Variants in L3MBTL3 observed in about 807,000 individuals in gnomAD.
The protein encoded by L3MBTL3 is lethal(3)malignant brain tumor-like protein 3.
In L3MBTL3, 27 loss-of-function variants were observed where a neutral mutation model predicts 102.3. The observed-to-expected ratio is 0.26, with a 90% CI of 0.19 to 0.36. The LOEUF is 0.36. Among genes scored for constraint, L3MBTL3 ranks in the 10% least tolerant of loss-of-function variants. The pLI, the probability that L3MBTL3 is intolerant of heterozygous loss-of-function variation, is 1.00. For synonymous variants in L3MBTL3, 340 were observed against 320.9 expected (o/e 1.06, Z -0.64); for missense variants, 798 against 955.3 (o/e 0.84, Z 2.17).
At chr6:130,094,497 A>G (rs912006783) in intron 18 of L3MBTL3, 130 bp downstream of exon 18, 4 of 473,684 alleles carry the variant, frequency 8.4e-6, no homozygotes, top group Non-Finnish European at 1.4e-5. Context: ...TGTGGTTACC[A>G]TGGTGATCAT....
At chr6:130,043,464 A>G (rs1562260487) in intron 3 of L3MBTL3, among the ~76,000 whole-genome samples, 3 of 152,174 alleles carry the variant, frequency 2.0e-5, no homozygotes, top group South Asian at 2.1e-4. Context: ...CTGTTGTCCC[A>G]TGAAACATGG....
chr6:130,118,243 C>T (rs1012758464), intron 19 of L3MBTL3, among the ~76,000 whole-genome samples: 1 of 152,004 alleles, frequency 6.6e-6, no homozygotes, highest in Non-Finnish European at 1.5e-5. Flanking sequence ...CTATACTCGC[C>T]CTGTGAATTT....
intron 9 of L3MBTL3, among the ~76,000 whole-genome samples, chr6:130,059,572 A>G (rs1422541901): frequency 6.6e-6 from 1 of 152,222 alleles, no homozygotes. Flanking sequence ...CTCTTGGACA[A>G]TTTCCTAGAG....
intron 1 of L3MBTL3, among the ~76,000 whole-genome samples, chr6:130,019,711 C>T (rs887796323): frequency 2.0e-5 from 3 of 151,428 alleles, no homozygotes; most frequent in East Asian, 4.0e-4. Context: ...TCTTCCCAAC[C>T]GAGTGTGTGA....
chr6:130,051,221 AT>A (rs1562266193), intron 5 of L3MBTL3, 27 bp from the exon 6 acceptor site: 1 of 1,580,284 alleles, frequency 6.3e-7, no homozygotes, highest in Admixed American at 1.8e-5. Flanking sequence ...CATGGTTGTA[AT>A]TTGCATTTCT....
chr6:130,133,702 C>A lies in L3MBTL3; in HGVS notation c.2136+81C>A. On this transcript the variant is annotated intron_variant, in intron 21 of 22. Coordinates refer to ENST00000361794, the MANE Select transcript of L3MBTL3 (RefSeq NM_032438.4). This position sits in a 1 kb window ranked among gnomAD's most constrained non-coding sequence, Gnocchi z 4.9. ...GGTGTGGAACATTGAGCGTAGGTAG[C>A]GTTTAGTCTTTTTTTTTCTGAAAGA... 1 of 1,537,976 alleles carries A rather than the reference C, an allele frequency of 6.5e-7. No individual in the cohort carries two copies. Among genetic ancestry groups the A allele is most frequent in the South Asian group, 1.2e-5 (1 of 85,992 alleles).
intron 2 of L3MBTL3, among the ~76,000 whole-genome samples, chr6:130,025,682 A>C (rs1170751091): frequency 6.6e-6 from 1 of 152,114 alleles, no homozygotes; most frequent in Non-Finnish European, 1.5e-5. Flanking sequence ...GATTAGTTGG[A>C]TGGTGATTAT....
At chr6:130,076,956 T>C (rs17058329) in intron 13 of L3MBTL3, among the ~76,000 whole-genome samples, 3,070 of 152,200 alleles carry the variant, frequency 0.02, 114 homozygotes, top group African/African-American at 0.071. Flanking sequence ...TGAATGACCA[T>C]TAAGAGACCA....
chr6:130,024,259 C>G (rs994190145), intron 2 of L3MBTL3, among the ~76,000 whole-genome samples: 7 of 152,226 alleles, frequency 4.6e-5, no homozygotes, highest in African/African-American at 1.4e-4. Context: ...TCCTTGTTTT[C>G]TAGACCTCTT....
At chr6:130,042,486 T>A (rs1780483113) in intron 2 of L3MBTL3, among the ~76,000 whole-genome samples, 199 bp from the exon 3 acceptor site, 1 of 152,202 alleles carries the variant, frequency 6.6e-6, no homozygotes, top group Non-Finnish European at 1.5e-5. Flanking sequence ...TTATTAATAT[T>A]TTTTCTCTAT....
intron 1 of L3MBTL3, among the ~76,000 whole-genome samples, chr6:130,021,653 G>A (rs1584261373): frequency 6.6e-6 from 1 of 152,186 alleles, no homozygotes; most frequent in African/African-American, 2.4e-5. Context: ...ACCTTTAGTT[G>A]AGATTTGTCT....
chr6:130,111,934 C>G (rs1394412181), intron 19 of L3MBTL3, among the ~76,000 whole-genome samples: 2 of 152,162 alleles, frequency 1.3e-5, no homozygotes, highest in Non-Finnish European at 2.9e-5. Flanking sequence ...GTCATCTGGC[C>G]CCTGCCTAAC....
chr6:130,020,182 C>T (rs1778885058), intron 1 of L3MBTL3, among the ~76,000 whole-genome samples: 1 of 150,890 alleles, frequency 6.6e-6, no homozygotes, highest in South Asian at 2.1e-4. Context: ...GAATAATGGG[C>T]TTTGCACACT....
At chr6:130,137,856 C>G (rs1276746003) in intron 22 of L3MBTL3, 1 of 152,198 alleles carries the variant, frequency 6.6e-6, no homozygotes, top group Non-Finnish European at 1.5e-5. Flanking sequence ...TGCCTTTCTT[C>G]CTGACCTTGC....
intron 11 of L3MBTL3, among the ~76,000 whole-genome samples, chr6:130,067,450 A>G (rs1782337669): frequency 6.6e-6 from 1 of 152,110 alleles, no homozygotes. Flanking sequence ...TATTTCAATC[A>G]TTACATTGAT....
In L3MBTL3 at chr6:130,078,641, G is replaced by A; in HGVS notation, c.1321+7G>A. The A allele has an allele frequency of 6.3e-7, 1 of 1,576,716 alleles. No individual in the cohort carries two copies. Among genetic ancestry groups the A allele is most frequent in the Non-Finnish European group, 8.7e-7 (1 of 1,147,726 alleles). ...ACCCTTATTACTCCACCAGGTGTGT[G>A]TTTTTTTAATGTGGCTAATACTATT... On this transcript the variant is annotated splice_region_variant and intron_variant, in intron 14 of 22. Transcript: ENST00000361794.
chr6:130,020,110 TCGGGGC>T (rs1432660080), intron 1 of L3MBTL3, among the ~76,000 whole-genome samples: 40 of 147,254 alleles, frequency 2.7e-4, no homozygotes, highest in Admixed American at 1.1e-3. Context: ...AAAAGAGGGG[TCGGGGC>T]CGGGGCCGGC....
rs557038386 is a variant in L3MBTL3, at chr6:130,032,676, T to C, written c.-15-10009T>C. ...AAAGGTTCTGTTATTCTTTGCATTT[T>C]ACACATGGGGAAATTGAGACTTCAA... On this transcript the variant is annotated intron_variant, in intron 2 of 22. Coordinates refer to ENST00000361794, the MANE Select transcript of L3MBTL3 (RefSeq NM_032438.4). Among the ~76,000 whole-genome samples the C allele has an allele frequency of 3.9e-5, 6 of 152,364 alleles. No homozygotes were observed. In the South Asian group the frequency reaches 1.2e-3, roughly 32 times the overall value.
chr6:130,033,331 C>T (rs980573173), intron 2 of L3MBTL3, among the ~76,000 whole-genome samples: 2 of 152,022 alleles, frequency 1.3e-5, no homozygotes, highest in African/African-American at 4.8e-5. Context: ...TGTCATTCTG[C>T]ACCAAGTTTG....
Sources: allele counts gnomAD v4.1 joint callset (sites outside exome capture counted in the v4.1 genomes callset), GRCh38; gene constraint gnomAD v4.1.1; non-coding constraint Gnocchi (gnomAD v3.1); transcripts MANE v1.5; gene names NCBI Gene and HGNC (gene_info 2026-07-23, HGNC 2026-07-21).